The following VPS13B variants were observed in gnomAD, a reference collection of about 807,000 sequenced individuals.
VPS13B encodes the protein intermembrane lipid transfer protein VPS13B.
In VPS13B, 285 loss-of-function variants were observed where a neutral mutation model predicts 426.4. That is an observed-to-expected ratio of 0.67 (90% CI 0.61 to 0.74). The LOEUF (loss-of-function observed/expected upper bound fraction) is 0.74. Among genes scored for constraint, VPS13B ranks in the 30% least tolerant of loss-of-function variants. The pLI, the probability that VPS13B is intolerant of heterozygous loss-of-function variation, is 0.00. For missense variants in VPS13B, 4,537 were observed against 4,782.6 expected (o/e 0.95, Z 1.51); for synonymous variants, 1,676 against 1,676.4 (o/e 1.00, Z 0.01).
chr8:99,200,423 T>C (rs1298852829), intron 17 of VPS13B, among the ~76,000 whole-genome samples: 1 of 152,176 alleles, frequency 6.6e-6, no homozygotes, highest in African/African-American at 2.4e-5. Context: ...TATATACCTA[T>C]AAATATAATT....
At chr8:99,698,977 A>G (rs1422143775) in intron 35 of VPS13B, among the ~76,000 whole-genome samples, 2 of 152,160 alleles carry the variant, frequency 1.3e-5, no homozygotes, top group African/African-American at 4.8e-5. Context: ...AGTGTAGGGA[A>G]AGGTACAGGG....
At chr8:99,696,825 C>T (rs892466664) in intron 35 of VPS13B, 9 of 1,302,640 alleles carry the variant, frequency 6.9e-6, no homozygotes, top group Admixed American at 6.7e-5. Context: ...CTGTCACGGC[C>T]GCAGCTGGTG....
chr8:99,217,596 TG>T (rs1357533841), intron 17 of VPS13B, among the ~76,000 whole-genome samples: 1 of 152,222 alleles, frequency 6.6e-6, no homozygotes, highest in Admixed American at 6.5e-5. Flanking sequence ...GGTATTTTTG[TG>T]TATTTCATTT....
chr8:99,343,925 C>G (rs1811387289), intron 19 of VPS13B, among the ~76,000 whole-genome samples: 1 of 152,126 alleles, frequency 6.6e-6, no homozygotes, highest in Non-Finnish European at 1.5e-5. Flanking sequence ...AGTGCAATCC[C>G]TATCAGAAGT....
intron 3 of VPS13B, among the ~76,000 whole-genome samples, chr8:99,087,368 G>T (rs1845878529): frequency 6.6e-6 from 1 of 152,056 alleles, no homozygotes; most frequent in Non-Finnish European, 1.5e-5. Flanking sequence ...CCCTTTCTTT[G>T]ACTAGGAAAG....
intron 30 of VPS13B, among the ~76,000 whole-genome samples, chr8:99,537,764 T>C (rs1014296469): frequency 6.6e-6 from 1 of 152,168 alleles, no homozygotes; most frequent in Admixed American, 6.5e-5. Flanking sequence ...ATTCTTTTCA[T>C]GTGTTTGGTG....
chr8:99,580,774 C>T (rs547343513), intron 33 of VPS13B, among the ~76,000 whole-genome samples: 62 of 151,926 alleles, frequency 4.1e-4, no homozygotes, highest in African/African-American at 1.4e-3. Context: ...ATCACTTGAG[C>T]CCCAGAGGTC....
At chr8:99,679,816 C>T (rs1295028656) in intron 35 of VPS13B, among the ~76,000 whole-genome samples, 1 of 152,182 alleles carries the variant, frequency 6.6e-6, no homozygotes, top group African/African-American at 2.4e-5. Flanking sequence ...CCACTGTCAT[C>T]ATGAATACCT....
chr8:99,289,808 A>G (rs558553922), intron 19 of VPS13B, among the ~76,000 whole-genome samples: 11 of 152,120 alleles, frequency 7.2e-5, no homozygotes, highest in Non-Finnish European at 1.5e-4. Flanking sequence ...ATATTGTTGA[A>G]TCATTAATCA....
At chr8:99,493,802 GAAAAGA>G (rs761102048) in intron 25 of VPS13B, among the ~76,000 whole-genome samples, 7,542 of 128,026 alleles carry the variant, frequency 0.059, 215 homozygotes, top group African/African-American at 0.075. Flanking sequence ...AAAAAAAAAA[GAAAAGA>G]AAAAGAAAAA....
At chr8:99,754,516 G>A (rs1379446777) in intron 39 of VPS13B, among the ~76,000 whole-genome samples, 2 of 152,088 alleles carry the variant, frequency 1.3e-5, no homozygotes, top group African/African-American at 4.8e-5. Flanking sequence ...AGCCTATTAA[G>A]GTTTTGATGT....
At chr8:99,032,803 G>A (rs998010304) in intron 2 of VPS13B, among the ~76,000 whole-genome samples, 1 of 151,892 alleles carries the variant, frequency 6.6e-6, no homozygotes, top group African/African-American at 2.4e-5. Context: ...GCCTCCCAAA[G>A]TGCTGAGATT....
chr8:99,584,585 G>C (rs988084352), intron 33 of VPS13B, among the ~76,000 whole-genome samples: 1 of 152,142 alleles, frequency 6.6e-6, no homozygotes, highest in South Asian at 2.1e-4. Flanking sequence ...TTATAATCTG[G>C]TTGGGAAGTA....
chr8:99,059,744 T>TA (rs1258739782), intron 3 of VPS13B, among the ~76,000 whole-genome samples: 1 of 149,424 alleles, frequency 6.7e-6, no homozygotes, highest in Non-Finnish European at 1.5e-5. Flanking sequence ...TTTTTTTTTT[T>TA]TTTTTTGAGA....
At chr8:99,857,806 C>T (rs1438673434) in intron 56 of VPS13B, among the ~76,000 whole-genome samples, 3 of 152,204 alleles carry the variant, frequency 2.0e-5, no homozygotes, top group Non-Finnish European at 4.4e-5. Flanking sequence ...ACTTTTCTTG[C>T]AGTTACCGTG....
At chr8:99,706,195 C>A (rs1364005635) in intron 36 of VPS13B, among the ~76,000 whole-genome samples, 1 of 152,138 alleles carries the variant, frequency 6.6e-6, no homozygotes, top group Non-Finnish European at 1.5e-5. Flanking sequence ...AAAGTTAAAT[C>A]AAGCACTGCC....
intron 21 of VPS13B, among the ~76,000 whole-genome samples, chr8:99,409,668 T>C (rs1258612610): frequency 6.6e-6 from 1 of 152,076 alleles, no homozygotes; most frequent in Non-Finnish European, 1.5e-5. Flanking sequence ...CTTTTTCCGC[T>C]CTCCACTTAC....
intron 15 of VPS13B, among the ~76,000 whole-genome samples, chr8:99,166,022 C>T (rs932436481): frequency 1.3e-5 from 2 of 152,098 alleles, no homozygotes; most frequent in Admixed American, 6.5e-5. Context: ...CACTGTTGCC[C>T]TGGCTGGAGT....
intron 30 of VPS13B, among the ~76,000 whole-genome samples, chr8:99,543,599 C>T (rs1327842665): frequency 2.6e-5 from 4 of 151,774 alleles, no homozygotes; most frequent in African/African-American, 7.3e-5. Flanking sequence ...CTACAAAGAA[C>T]TCAAACAAAT....
Sources: gnomAD v4.1 joint callset for allele counts (sites outside exome capture counted in the v4.1 genomes callset) on GRCh38, gnomAD v4.1.1 for gene constraint, MANE v1.5 for transcripts, NCBI Gene and HGNC (gene_info 2026-07-23, HGNC 2026-07-21) for gene names.